The following MLPH variants were observed in gnomAD, a reference collection of about 807,000 sequenced individuals.
The protein encoded by MLPH is exophilin-3.
A neutral mutation model predicts 72.1 loss-of-function variants in MLPH; 51 were observed. The ratio of observed to expected loss-of-function variants is 0.71; its 90% CI spans 0.56 to 0.89. The LOEUF is 0.89. MLPH is among the 40% of genes least tolerant of loss of function. The probability of loss-of-function intolerance (pLI) is 0.00; values close to 1 mark genes in which losing one functional copy is unlikely to be tolerated. For synonymous variants in MLPH, 301 were observed against 310.1 expected (o/e 0.97, Z 0.31); for missense variants, 743 against 759.9 (o/e 0.98, Z 0.26).
intron 2 of MLPH, among the ~76,000 whole-genome samples, chr2:237,504,578 G>A (rs558668963): frequency 2.9e-4 from 44 of 152,306 alleles, no homozygotes; most frequent in Middle Eastern, 3.4e-3. Flanking sequence ...GCAGTTGGAC[G>A]GGAGCCACTG....
rs1312788833 is a variant in MLPH, at chr2:237,512,698, C to T, written c.445+1597C>T. ...GTGGAGCTTGGTCCAGCCTCCAGTC[C>T]ACCCCTAACAGGCTTAAGGATAGAA... On this transcript the variant is annotated intron_variant, in intron 4 of 15. Transcript: ENST00000264605. The surrounding 1 kb of genome is among the most constrained non-coding windows in gnomAD (Gnocchi z 5.5). Among the ~76,000 whole-genome samples, 2 of 152,108 alleles carry T rather than the reference C, an allele frequency of 1.3e-5. No homozygotes were observed. The highest frequency in any genetic ancestry group is 2.9e-5 in the Non-Finnish European group (2 of 68,026).
chr2:237,535,250 C>T (rs1201866949), intron 9 of MLPH, among the ~76,000 whole-genome samples: 1 of 152,046 alleles, frequency 6.6e-6, no homozygotes, highest in Non-Finnish European at 1.5e-5. Flanking sequence ...GCTTTTATAA[C>T]AACCACCCTG....
intron 2 of MLPH, among the ~76,000 whole-genome samples, chr2:237,495,770 G>A (rs1432387905): frequency 6.6e-6 from 1 of 152,158 alleles, no homozygotes; most frequent in Non-Finnish European, 1.5e-5. Context: ...TGCTGGCCCT[G>A]GTACAGCCAG....
intron 6 of MLPH, among the ~76,000 whole-genome samples, chr2:237,521,647 G>A (rs1390887945): frequency 1.3e-5 from 2 of 152,182 alleles, no homozygotes; most frequent in African/African-American, 2.4e-5. Context: ...AGTAACAGCC[G>A]CCAGACAGAA....
intron 2 of MLPH, among the ~76,000 whole-genome samples, chr2:237,509,051 C>T (rs952937561): frequency 1.3e-5 from 2 of 152,190 alleles, no homozygotes; most frequent in African/African-American, 4.8e-5. Context: ...CCCATTCACT[C>T]CTCAGGATCG....
Position 237,493,271 on chromosome 2 carries a change from A to G in MLPH, c.-24-132A>G. On this transcript the variant is annotated intron_variant, in intron 1 of 15. Coordinates refer to ENST00000264605, the MANE Select transcript of MLPH (RefSeq NM_024101.7). ...ACACAAGTTTCCAGACAAGCATTAG[A>G]AAACCATTTAACCCAAGTACAGACA... is the stretch of plus-strand genomic sequence containing the variant. The G allele has an allele frequency of 4.4e-6, 3 of 676,714 alleles. No individual in the cohort carries two copies. The South Asian group carries it at 4.8e-5, about 11-fold the overall frequency. The allele number at this position is 676,714 out of a possible 1,614,324, so 41.9% of individuals were successfully genotyped here. A position where few individuals can be genotyped will look rare whatever the true frequency, so the allele number is the denominator to read the frequency against.
chr2:237,548,038 A>G (rs2080955744), intron 13 of MLPH, among the ~76,000 whole-genome samples: 1 of 152,238 alleles, frequency 6.6e-6, no homozygotes, highest in South Asian at 2.1e-4. Flanking sequence ...TCAAAAGTCC[A>G]TCTTTCCACA....
At chr2:237,536,681 C>T (rs950916960) in intron 9 of MLPH, among the ~76,000 whole-genome samples, 5 of 152,224 alleles carry the variant, frequency 3.3e-5, no homozygotes, top group Non-Finnish European at 7.3e-5. Flanking sequence ...AGGTCTCACT[C>T]GGGCCTCGGC....
At chr2:237,490,124 C>G (rs529953613) in intron 1 of MLPH, among the ~76,000 whole-genome samples, 53 of 152,274 alleles carry the variant, frequency 3.5e-4, no homozygotes, top group Middle Eastern at 6.8e-3. Flanking sequence ...GCAGATAGAG[C>G]AGGGTGGCGT....
rs753079408 is a variant in MLPH, at chr2:237,552,324, G to A, written c.1676-13G>A. ...TTGATAAAGCACCATCCCTCTTCCT[G>A]TTTTCCCCAAAGGTAAAGATGATGA... is the stretch of plus-strand genomic sequence containing the variant. On this transcript the variant is annotated splice_polypyrimidine_tract_variant and intron_variant, in intron 14 of 15. Coordinates refer to ENST00000264605, the MANE Select transcript of MLPH (RefSeq NM_024101.7). 10 of 1,612,910 alleles carry A rather than the reference G, an allele frequency of 6.2e-6. No individual in the cohort carries two copies. Among genetic ancestry groups the A allele is most frequent in the Non-Finnish European group, 7.6e-6 (9 of 1,178,960 alleles).
intron 9 of MLPH, among the ~76,000 whole-genome samples, chr2:237,539,825 C>T (rs2106374322): frequency 6.6e-6 from 1 of 152,318 alleles, no homozygotes; most frequent in Middle Eastern, 3.4e-3. Context: ...GGTGAACTCG[C>T]AGTCCAGTGG....
chr2:237,540,997 C>T (rs1205015285), intron 11 of MLPH, 40 bp downstream of exon 11: 1 of 1,574,184 alleles, frequency 6.4e-7, no homozygotes, highest in Non-Finnish European at 8.6e-7. Flanking sequence ...GTTCCACAAA[C>T]ACAGATGGTG....
intron 1 of MLPH, 51 bp from the exon 2 acceptor site, chr2:237,493,352 G>T: frequency 8.9e-7 from 1 of 1,124,364 alleles, no homozygotes; most frequent in Non-Finnish European, 1.4e-6. Flanking sequence ...TGACTTGATT[G>T]GTATTGGTAG....
chr2:237,511,188 G>A, intron 4 of MLPH, 87 bp downstream of exon 4: 2 of 978,270 alleles, frequency 2.0e-6, no homozygotes, highest in Non-Finnish European at 3.3e-6. Context: ...GCATGTGTGT[G>A]TGTACGTGTG....
At chr2:237,522,825 A>G (rs776770897) in intron 6 of MLPH, among the ~76,000 whole-genome samples, 40 of 152,168 alleles carry the variant, frequency 2.6e-4, no homozygotes, top group Non-Finnish European at 4.6e-4. Flanking sequence ...TCAGTGTTGG[A>G]GGACAGGAGG....
At position 237,541,941 on chromosome 2, in the gene MLPH, G is replaced by A. The variant is rs1454890896; in HGVS notation, c.1447-626G>A. Among the ~76,000 whole-genome samples, 1 of 152,238 alleles carries A rather than the reference G, an allele frequency of 6.6e-6. No homozygotes were observed. The highest frequency in any genetic ancestry group is 1.5e-5 in the Non-Finnish European group (1 of 68,042). On this transcript the variant is annotated intron_variant, in intron 11 of 15. Transcript: ENST00000264605. The surrounding 1 kb of genome is among the most constrained non-coding windows in gnomAD (Gnocchi z 5.1). ...GCAAATCCAGGGGGCAGGAGGCCGG[G>A]TGGAGGGAGCAGCCCGTGCCAAGGC...
At chr2:237,517,146 T>C (rs1309233615) in intron 4 of MLPH, among the ~76,000 whole-genome samples, 2 of 150,816 alleles carry the variant, frequency 1.3e-5, no homozygotes, top group African/African-American at 4.9e-5. Flanking sequence ...GATGAATGCA[T>C]TGGTGGGTGG....
rs145091337 is a variant in MLPH, at chr2:237,510,595, G to A, written c.132G>A (p.Lys44=). 2.5e-3 allele frequency: 4,043 copies of A among 1,613,430 alleles called. 146 individuals carry two copies. The Admixed American group carries it at 0.058, about 23-fold the overall frequency. ...CAAGGGCGTTGAAGGGCAAGATTAA[G>A]AAGGAAAGCTCCAAGAGGGAGCTGC... ...ERLEALKGKI[K]KESSKRELLS... Residue 44 remains lysine (K), a synonymous_variant, in exon 3 of 16, where the codon AAG becomes AAA. Coordinates refer to ENST00000264605, the MANE Select transcript of MLPH (RefSeq NM_024101.7). The surrounding 1 kb of genome is among the most constrained non-coding windows in gnomAD (Gnocchi z 4.4).
At chr2:237,540,715 G>A in intron 10 of MLPH, 87 bp from the exon 11 acceptor site, 1 of 1,561,052 alleles carries the variant, frequency 6.4e-7, no homozygotes, top group East Asian at 2.3e-5. Flanking sequence ...GTTCAGAGAG[G>A]AGAGCAATAT....
Sources: allele counts gnomAD v4.1 joint callset (sites outside exome capture counted in the v4.1 genomes callset), GRCh38; gene constraint gnomAD v4.1.1; non-coding constraint Gnocchi (gnomAD v3.1); transcripts MANE v1.5; gene names NCBI Gene and HGNC (gene_info 2026-07-23, HGNC 2026-07-21).